Variants in PLCH1 observed in about 807,000 individuals in gnomAD.
PLCH1 encodes the protein phospholipase C eta 1.
In PLCH1, 60 loss-of-function variants were observed where a neutral mutation model predicts 126.7. The ratio of observed to expected loss-of-function variants is 0.47; its 90% CI spans 0.38 to 0.59. The LOEUF is 0.59. Among genes scored for constraint, PLCH1 ranks in the 20% least tolerant of loss-of-function variants. PLCH1 has a pLI of 0.00. For synonymous variants in PLCH1, 719 were observed against 734.9 expected (o/e 0.98, Z 0.35); for missense variants, 1,723 against 2,040.0 (o/e 0.84, Z 2.99).
intron 2 of PLCH1, among the ~76,000 whole-genome samples, chr3:155,649,722 T>TA (rs1161221086): frequency 6.6e-6 from 1 of 152,076 alleles, no homozygotes; most frequent in Admixed American, 6.6e-5. Flanking sequence ...CTCACACCTG[T>TA]AATCCCAGCA....
intron 2 of PLCH1, chr3:155,658,158 CA>C (rs1741657581): frequency 9.3e-6 from 2 of 216,186 alleles, no homozygotes; most frequent in African/African-American, 2.3e-5. Context: ...TGAGCCACAG[CA>C]AAAAGCCCTC....
chr3:155,702,625 T>G (rs1302290902), intron 2 of PLCH1, among the ~76,000 whole-genome samples: 1 of 152,144 alleles, frequency 6.6e-6, no homozygotes, highest in Non-Finnish European at 1.5e-5. Flanking sequence ...TTTTAAATGA[T>G]TATAGCCTTT....
intron 2 of PLCH1, among the ~76,000 whole-genome samples, chr3:155,703,711 T>C (rs1319195033): frequency 6.6e-6 from 1 of 152,200 alleles, no homozygotes; most frequent in Non-Finnish European, 1.5e-5. Context: ...TCAATAAGTG[T>C]CTAAAGCAGG....
chr3:155,526,313 T>C (rs1721883916), intron 10 of PLCH1, among the ~76,000 whole-genome samples: 2 of 152,110 alleles, frequency 1.3e-5, no homozygotes, highest in African/African-American at 4.8e-5. Flanking sequence ...GATCAGGTTA[T>C]AGAAACACTA....
chr3:155,734,795 G>A (rs932949503), intron 1 of PLCH1, among the ~76,000 whole-genome samples: 6 of 148,706 alleles, frequency 4.0e-5, no homozygotes, highest in African/African-American at 1.0e-4. Flanking sequence ...TGCAACCTCC[G>A]CCTCCCAGGT....
At chr3:155,554,283 A>C in intron 8 of PLCH1, 87 bp from the exon 9 acceptor site, 1 of 1,212,500 alleles carries the variant, frequency 8.2e-7, no homozygotes. Context: ...TATTAAGTCC[A>C]TTATCTGAAA....
chr3:155,575,098 T>C (rs970443605), intron 6 of PLCH1, among the ~76,000 whole-genome samples: 1 of 151,564 alleles, frequency 6.6e-6, no homozygotes, highest in African/African-American at 2.4e-5. Context: ...ACCACTGCAC[T>C]CCAGCCTGTG....
At chr3:155,716,566 G>C (rs1747524957) in intron 1 of PLCH1, among the ~76,000 whole-genome samples, 1 of 152,132 alleles carries the variant, frequency 6.6e-6, no homozygotes, top group Admixed American at 6.5e-5. Flanking sequence ...TGACATGGCA[G>C]GAGCAGGAGC....
At chr3:155,472,645 A>G (rs1316462980) in intron 21 of PLCH1, among the ~76,000 whole-genome samples, 5 of 151,812 alleles carry the variant, frequency 3.3e-5, no homozygotes, top group Admixed American at 1.3e-4. Flanking sequence ...TTTTAGACCA[A>G]TATCCTTGAT....
rs1713905352 is a variant in PLCH1, at chr3:155,480,910, A to C, written c.*58T>G. On this transcript the variant is annotated 3_prime_UTR_variant, in exon 23 of 23. Transcript: ENST00000460012. ...CCAAAGCCAAGGAACTTATTTACTGAAAACTCTGACATTCTACAGAATACC... is the reference window on the plus strand; with the variant it reads ...CCAAAGCCAAGGAACTTATTTACTGCAAACTCTGACATTCTACAGAATACC... 11 of 1,382,472 alleles carry C rather than the reference A, an allele frequency of 8.0e-6. No homozygotes were observed. The South Asian group carries it at 1.6e-4, about 19-fold the overall frequency. The allele number at this position is 1,382,472 out of a possible 1,614,324, so 85.6% of individuals were successfully genotyped here.
intron 1 of PLCH1, among the ~76,000 whole-genome samples, chr3:155,727,060 C>T (rs1748390452): frequency 6.6e-6 from 1 of 151,498 alleles, no homozygotes; most frequent in Non-Finnish European, 1.5e-5. Context: ...TTGGATTTAC[C>T]TATTCATAAA....
intron 17 of PLCH1, 47 bp from the exon 18 acceptor site, chr3:155,492,900 C>A: frequency 6.7e-7 from 1 of 1,481,966 alleles, no homozygotes; most frequent in Non-Finnish European, 9.0e-7. Flanking sequence ...GAAACACACA[C>A]GCATGCACAG....
chr3:155,578,563 G>T (rs1730270761), intron 6 of PLCH1, among the ~76,000 whole-genome samples: 1 of 152,078 alleles, frequency 6.6e-6, no homozygotes, highest in Admixed American at 6.6e-5. Flanking sequence ...GATGAAAAGG[G>T]GTTCATTATA....
chr3:155,736,828 T>C (rs1400141973), intron 1 of PLCH1, among the ~76,000 whole-genome samples: 1 of 152,208 alleles, frequency 6.6e-6, no homozygotes, highest in Non-Finnish European at 1.5e-5. Context: ...CAGTCGTTTA[T>C]TTATTCATTT....
chr3:155,703,820 T>C (rs1746453031), intron 2 of PLCH1, among the ~76,000 whole-genome samples: 1 of 152,196 alleles, frequency 6.6e-6, no homozygotes, highest in Non-Finnish European at 1.5e-5. Flanking sequence ...AACAATTATA[T>C]GGCCCTCACC....
At chr3:155,727,228 G>T (rs1748403398) in intron 1 of PLCH1, among the ~76,000 whole-genome samples, 1 of 151,834 alleles carries the variant, frequency 6.6e-6, no homozygotes. Flanking sequence ...TGTGTTTAGG[G>T]GAGGTTTTTT....
At chr3:155,670,286 A>C (rs557714716) in intron 2 of PLCH1, among the ~76,000 whole-genome samples, 1 of 152,256 alleles carries the variant, frequency 6.6e-6, no homozygotes, top group East Asian at 1.9e-4. Context: ...ATTTTATTTC[A>C]CCATCTGGGG....
intron 1 of PLCH1, among the ~76,000 whole-genome samples, chr3:155,705,230 CAG>C (rs1474133264): frequency 6.6e-6 from 1 of 152,170 alleles, no homozygotes; most frequent in Non-Finnish European, 1.5e-5. Flanking sequence ...TATATATTAT[CAG>C]AGTGTTGTCT....
intron 13 of PLCH1, among the ~76,000 whole-genome samples, chr3:155,502,784 A>G (rs959383096): frequency 2.0e-5 from 3 of 152,214 alleles, no homozygotes; most frequent in African/African-American, 7.2e-5. Context: ...TAATGGCTGC[A>G]TCATTGTCCA....
Sources: allele counts gnomAD v4.1 joint callset (sites outside exome capture counted in the v4.1 genomes callset), GRCh38; gene constraint gnomAD v4.1.1; transcripts MANE v1.5; gene names NCBI Gene and HGNC (gene_info 2026-07-23, HGNC 2026-07-21).